RASSF8: variants seen among roughly 807,000 people sequenced by gnomAD.
The protein encoded by RASSF8 is ras association domain-containing protein 8.
RASSF8 carries 22 observed loss-of-function variants against 48.5 expected under a neutral mutation model. The ratio of observed to expected loss-of-function variants is 0.45; its 90% confidence interval spans 0.32 to 0.65. The LOEUF is 0.65. RASSF8 is among the 30% of genes least tolerant of loss of function. The pLI is 0.03. For missense variants in RASSF8, 418 were observed against 489.2 expected (o/e 0.85, Z 1.37); for synonymous variants, 127 against 171.5 (o/e 0.74, Z 2.03).
intron 2 of RASSF8, among the ~76,000 whole-genome samples, chr12:25,998,025 T>C (rs1942171326): frequency 6.6e-6 from 1 of 152,214 alleles, no homozygotes; most frequent in Admixed American, 6.5e-5. Context: ...TAATGAAATA[T>C]GAAAGAAACA....
At chr12:25,985,596 C>T (rs554383593) in intron 1 of RASSF8, among the ~76,000 whole-genome samples, 2 of 152,318 alleles carry the variant, frequency 1.3e-5, no homozygotes, top group African/African-American at 4.8e-5. Context: ...CGGCAATTAT[C>T]GAGGATCTGC....
chr12:26,021,570 C>T (rs1942788101), intron 2 of RASSF8: 1 of 152,280 alleles, frequency 6.6e-6, no homozygotes, highest in Non-Finnish European at 1.5e-5. Flanking sequence ...AGCCCCTACG[C>T]ATAGGGCAGA....
Position 26,049,793 on chromosome 12 carries a change from T to A in RASSF8, c.-108-5443T>A, listed in dbSNP as rs1007153131. ...TAAGGAAAAGACGGAATTCTTTTTT[T>A]TGTTTTTTGAGACGGAGTCTCGCTC... is the stretch of plus-strand genomic sequence containing the variant. On this transcript the variant is annotated intron_variant, in intron 2 of 5. Transcript: ENST00000689635. 2.6e-5 allele frequency among the ~76,000 whole-genome samples: 4 copies of A among 152,330 alleles called. No homozygotes were observed. The East Asian group carries it at 7.7e-4, about 29-fold the overall frequency.
At chr12:26,004,942 C>A (rs895517584) in intron 2 of RASSF8, among the ~76,000 whole-genome samples, 24 of 152,180 alleles carry the variant, frequency 1.6e-4, no homozygotes, top group Middle Eastern at 3.4e-3. Flanking sequence ...TCACCTGAGG[C>A]CATGGGTTTG....
At chr12:26,042,780 G>C (rs767137815) in intron 2 of RASSF8, among the ~76,000 whole-genome samples, 1 of 152,038 alleles carries the variant, frequency 6.6e-6, no homozygotes. Flanking sequence ...TAGAACAATA[G>C]CATTTTTTCT....
At chr12:26,008,485 A>G (rs1364840842) in intron 2 of RASSF8, among the ~76,000 whole-genome samples, 1 of 152,200 alleles carries the variant, frequency 6.6e-6, no homozygotes, top group African/African-American at 2.4e-5. Context: ...AAAGATCACA[A>G]TATTTTTGGT....
chr12:26,005,436 A>G (rs545450860), intron 2 of RASSF8, among the ~76,000 whole-genome samples: 1 of 152,316 alleles, frequency 6.6e-6, no homozygotes, highest in South Asian at 2.1e-4. Flanking sequence ...CATCTTAATC[A>G]AGTCATTCTC....
At chr12:26,052,096 G>A (rs181460359) in intron 2 of RASSF8, among the ~76,000 whole-genome samples, 8 of 152,318 alleles carry the variant, frequency 5.3e-5, no homozygotes, top group African/African-American at 1.4e-4. Context: ...GGGAGCGTGT[G>A]TGTCAGCTAA....
At chr12:26,005,390 G>T (rs933787901) in intron 2 of RASSF8, among the ~76,000 whole-genome samples, 11 of 152,168 alleles carry the variant, frequency 7.2e-5, no homozygotes, top group Admixed American at 5.2e-4. Context: ...GTGTGAAACT[G>T]CAACTGATTC....
intron 4 of RASSF8, among the ~76,000 whole-genome samples, chr12:26,065,604 A>T (rs1943855917): frequency 6.6e-6 from 1 of 152,212 alleles, no homozygotes. Flanking sequence ...TTACTGTGAC[A>T]GTTGTAGCGT....
chr12:26,008,893 C>G (rs1166347416), intron 2 of RASSF8, among the ~76,000 whole-genome samples: 3 of 152,170 alleles, frequency 2.0e-5, no homozygotes, highest in Admixed American at 2.0e-4. Context: ...TTTTATTCAT[C>G]TTGGTGGTCC....
At chr12:26,000,982 CTTTTTTTTTTTT>C (rs34793650) in intron 2 of RASSF8, among the ~76,000 whole-genome samples, 2 of 81,044 alleles carry the variant, frequency 2.5e-5, no homozygotes, top group African/African-American at 5.1e-5. Context: ...TTAAAATTTC[CTTTTTTTTTTTT>C]TTTTTTTTTT....
At chr12:25,995,656 A>AGG (rs148535554) in intron 2 of RASSF8, among the ~76,000 whole-genome samples, 1 of 151,962 alleles carries the variant, frequency 6.6e-6, no homozygotes, top group South Asian at 2.1e-4. Flanking sequence ...CATTAAGTCA[A>AGG]GGGGGGGCAT....
At chr12:26,058,918 A>G (rs1233054263) in intron 3 of RASSF8, among the ~76,000 whole-genome samples, 1 of 152,218 alleles carries the variant, frequency 6.6e-6, no homozygotes, top group Non-Finnish European at 1.5e-5. Flanking sequence ...TCTTCTTGGC[A>G]TGAAGTGGTT....
intron 2 of RASSF8, among the ~76,000 whole-genome samples, chr12:26,030,477 A>G (rs947215809): frequency 2.0e-5 from 3 of 152,134 alleles, no homozygotes; most frequent in Admixed American, 1.3e-4. Context: ...GATGGATTCT[A>G]TTCCTTTTAT....
chr12:26,042,766 AG>A (rs1194209031), intron 2 of RASSF8, among the ~76,000 whole-genome samples: 1 of 152,216 alleles, frequency 6.6e-6, no homozygotes, highest in African/African-American at 2.4e-5. Context: ...CACAAATTGT[AG>A]GTTAGAACAA....
intron 2 of RASSF8, among the ~76,000 whole-genome samples, chr12:26,048,634 A>AT (rs1943423526): frequency 6.6e-6 from 1 of 151,810 alleles, no homozygotes; most frequent in South Asian, 2.1e-4. Flanking sequence ...CACTATTTTC[A>AT]TTTTTCATAC....
At chr12:26,021,892 A>G (rs1001262666) in intron 2 of RASSF8, among the ~76,000 whole-genome samples, 1 of 152,170 alleles carries the variant, frequency 6.6e-6, no homozygotes, top group Non-Finnish European at 1.5e-5. Flanking sequence ...AAGCCTAAGG[A>G]TGCTTTCAGA....
chr12:26,042,571 A>G (rs540373353), intron 2 of RASSF8, among the ~76,000 whole-genome samples: 65 of 152,192 alleles, frequency 4.3e-4, no homozygotes, highest in Non-Finnish European at 7.6e-4. Context: ...TTAAGTGATA[A>G]GGTGTTAAGA....
Sources: gnomAD v4.1 joint callset for allele counts (sites outside exome capture counted in the v4.1 genomes callset) on GRCh38, gnomAD v4.1.1 for gene constraint, MANE v1.5 for transcripts, NCBI Gene and HGNC (gene_info 2026-07-23, HGNC 2026-07-21) for gene names.